WDR90: variants seen among roughly 807,000 people sequenced by gnomAD.
WDR90 encodes WD repeat domain 90, also known as WD repeat-containing protein 90.
Under a neutral mutation model 195.2 loss-of-function variants are expected in WDR90, and 238 were observed. The observed-to-expected ratio is 1.22, with a 90% CI of 1.10 to 1.36. WDR90 has a LOEUF of 1.36. Ranked by LOEUF, WDR90 falls within the 40% of genes most tolerant of loss-of-function variation. The pLI, the probability that WDR90 is intolerant of heterozygous loss-of-function variation, is 0.00. For synonymous variants in WDR90, 1,265 were observed against 1,052.4 expected, an observed-to-expected ratio of 1.20 and a Z score of -3.91; for missense variants, 2,734 against 2,439.5, an observed-to-expected ratio of 1.12 and a Z score of -2.54.
intron 34 of WDR90, chr16:663,048 C>A (rs906840843): frequency 3.9e-6 from 3 of 766,530 alleles, no homozygotes; most frequent in Non-Finnish European, 6.7e-6. Flanking sequence ...AAGCGAGCCG[C>A]CTGGCAGGCC....
At chr16:659,973 G>A (rs113197817) in intron 26 of WDR90, 85 bp from the exon 27 acceptor site, 17 of 1,038,516 alleles carry the variant, frequency 1.6e-5, no homozygotes, top group African/African-American at 1.4e-4. Flanking sequence ...TAGACCAGGG[G>A]CTTGTGGGGA....
chr16:659,708 G>A (rs1257108747), intron 26 of WDR90, among the ~76,000 whole-genome samples: 1 of 152,224 alleles, frequency 6.6e-6, no homozygotes, highest in East Asian at 1.9e-4. Flanking sequence ...TGCTCACGGA[G>A]GAGGAGGCTG....
At chr16:659,032 G>C (rs761864561) in intron 24 of WDR90, 21 bp downstream of exon 24, 3 of 1,613,190 alleles carry the variant, frequency 1.9e-6, no homozygotes, top group South Asian at 2.2e-5. Flanking sequence ...ACTCTCAGCT[G>C]TGTCTGCCTA....
rs760096464 is a variant in WDR90 at position 650,324 on chromosome 16, A to C, written c.350A>C (p.Gln117Pro). The change falls in exon 4 of 41, where the codon CAG (glutamine) becomes CCG (proline). Residue 117 changes from glutamine to proline, a missense_variant. Coordinates refer to ENST00000293879, the MANE Select transcript of WDR90 (RefSeq NM_145294.5). ...KEFKSTATWL[Q>P]FPLVLEARTP... ...TTTAAGTCTACGGCCACGTGGCTCC[A>C]GTTTCCCTTGGTCCTGGAGGCCAGG... is the stretch of plus-strand genomic sequence containing the variant. The C allele has an allele frequency of 3.5e-5, 57 of 1,612,786 alleles. No individual in the cohort carries two copies. The South Asian group carries it at 5.9e-4, about 17-fold the overall frequency.
In WDR90 at chr16:650,539, A is replaced by C; in HGVS notation, c.389A>C (p.Asp130Ala). 3 of 1,603,270 alleles carry C rather than the reference A, an allele frequency of 1.9e-6. No individual in the cohort carries two copies. Among genetic ancestry groups the C allele is most frequent in the Non-Finnish European group, 2.6e-6 (3 of 1,172,808 alleles). ...LVLEARTPQRDLVGLAPSGAR... is the reference protein window; with the variant it reads ...LVLEARTPQRALVGLAPSGAR... ...CTGACCCTGAGTGCCCATCCTGCAG[A>C]TCTGGTGGGTTTGGCCCCCTCCGGA... is the stretch of plus-strand genomic sequence containing the variant. Residue 130 changes from aspartate to alanine, a missense_variant and splice_region_variant, in exon 5 of 41, where the codon GAT becomes GCT. Physicochemically the swap from Asp to Ala is moderately radical, Grantham distance 126. Transcript: ENST00000293879.
At position 661,371 on chromosome 16, in the gene WDR90, C is replaced by G. The variant is rs2037909603; in HGVS notation, c.3543C>G (p.Ser1181Arg). The part of the protein sequence containing the change: ...QVLASASGRS[S>R]TTAHCQIRVW... The stretch of plus-strand genomic sequence containing the variant: ...TGGCCTCTGCCTCGGGCCGAAGCAG[C>G]ACGACCGCCCATTGTCAGATCCGCG... Residue 1181 changes from serine to arginine, a missense_variant, in exon 30 of 41, where the codon AGC (serine) becomes AGG (arginine). Transcript: ENST00000293879. The G allele has an allele frequency of 6.2e-7, 1 of 1,609,134 alleles. No individual in the cohort carries two copies.
intron 22 of WDR90, 58 bp from the exon 23 acceptor site, chr16:658,467 C>G: frequency 6.3e-7 from 1 of 1,583,790 alleles, no homozygotes; most frequent in Non-Finnish European, 8.6e-7. Context: ...GAAGGGAGGC[C>G]CCAGGCTGCT....
At chr16:663,099 T>A (rs2037951281) in intron 34 of WDR90, 2 of 638,624 alleles carry the variant, frequency 3.1e-6, no homozygotes, top group African/African-American at 3.6e-5. Context: ...GCTATTGCTT[T>A]GCGTTTTTTT....
At position 649,775 on chromosome 16, in the gene WDR90, C is replaced by T; in HGVS notation, c.23C>T (p.Pro8Leu). 1 of 1,562,852 alleles carries T rather than the reference C, an allele frequency of 6.4e-7. No homozygotes were observed. Among genetic ancestry groups the T allele is most frequent in the South Asian group, 1.2e-5 (1 of 85,414 alleles). ...CCGCTCCCCGCAGCGTGGCAGCACC[C>T]GTTCCTCAACGTCTTCAGACACTTC... MARAWQHPFLNVFRHFRV... is the reference protein window; with the variant it reads MARAWQHLFLNVFRHFRV... Residue 8 changes from proline to leucine, a missense_variant, in exon 2 of 41, where the codon CCG (proline) becomes CTG (leucine). By Grantham distance (98) the Pro-to-Leu change is moderately conservative. Coordinates refer to ENST00000293879, the MANE Select transcript of WDR90 (RefSeq NM_145294.5).
At position 661,399 on chromosome 16, in the gene WDR90, T is replaced by C; in HGVS notation, c.3571T>C (p.Trp1191Arg). 1 of 1,611,840 alleles carries C rather than the reference T, an allele frequency of 6.2e-7. No individual in the cohort carries two copies. The highest frequency in any genetic ancestry group is 2.2e-5 in the East Asian group (1 of 44,862). The change falls in exon 30 of 41, where the codon TGG becomes CGG. Residue 1191 changes from tryptophan to arginine, a missense_variant. By Grantham distance (101) the Trp-to-Arg change is moderately radical. Coordinates refer to ENST00000293879, the MANE Select transcript of WDR90 (RefSeq NM_145294.5). The part of the protein sequence containing the change: ...STTAHCQIRV[W>R]DVSGGLCQHL... ...GACCGCCCATTGTCAGATCCGCGTC[T>C]GGGACGTGTCTGGCGGCCTCTGCCA...
At chr16:667,336 G>T in intron 40 of WDR90, 96 bp from the exon 41 acceptor site, 1 of 1,483,778 alleles carries the variant, frequency 6.7e-7, no homozygotes. Flanking sequence ...CCCCCGACCA[G>T]CATCATGCCC....
chr16:667,009 G>A lies in WDR90; in HGVS notation c.5089+20G>A. The A allele has an allele frequency of 6.4e-7, 1 of 1,573,346 alleles. No homozygotes were observed. Among genetic ancestry groups the A allele is most frequent in the Non-Finnish European group, 8.6e-7 (1 of 1,159,236 alleles). On this transcript the variant is annotated intron_variant, in intron 40 of 40. Transcript: ENST00000293879. ...TTGCTGGTGAGTGCTGGTGGATGCA[G>A]TTTGGGCCTGTCTTAGGTGGGGGCC...
At chr16:665,593 G>C (rs1431185763) in intron 34 of WDR90, 86 bp from the exon 35 acceptor site, 4 of 1,603,462 alleles carry the variant, frequency 2.5e-6, no homozygotes, top group Non-Finnish European at 3.4e-6. Context: ...GGACAGCCCG[G>C]CCCTGGGGGC....
rs756623485 is a variant in WDR90, at chr16:661,377, C to A, written c.3549C>A (p.Thr1183=). The A allele has an allele frequency of 5.6e-6, 9 of 1,610,164 alleles. No homozygotes were observed. Among genetic ancestry groups the A allele is most frequent in the Non-Finnish European group, 7.6e-6 (9 of 1,179,528 alleles). ...CTGCCTCGGGCCGAAGCAGCACGACCGCCCATTGTCAGATCCGCGTCTGGG... is the reference window on the plus strand; with the variant it reads ...CTGCCTCGGGCCGAAGCAGCACGACAGCCCATTGTCAGATCCGCGTCTGGG... The part of the protein sequence containing the change: ...LASASGRSST[T]AHCQIRVWDV... Residue 1183 remains threonine (T), a synonymous_variant, in exon 30 of 41, where the codon ACC becomes ACA. Transcript: ENST00000293879.
chr16:667,476 G>A lies in WDR90; in HGVS notation c.5134G>A (p.Asp1712Asn), dbSNP rs746570988. 6.2e-7 allele frequency: 1 copy of A among 1,610,316 alleles called. No homozygotes were observed. Among genetic ancestry groups the A allele is most frequent in the Admixed American group, 1.7e-5 (1 of 59,996 alleles). Reference protein sequence around the residue: ...LVDCAMGTAQDFAGHDNAVHL... With the variant: ...LVDCAMGTAQNFAGHDNAVHL... ...AGACTGTGCCATGGGGACTGCCCAA[G>A]ACTTTGCCGGCCACGACAACGCAGT... The change falls in exon 41 of 41, where the codon GAC becomes AAC. Residue 1712 changes from aspartate to asparagine, a missense_variant. Asp to Asn is a conservative substitution (Grantham distance 23, BLOSUM62 1). Coordinates refer to ENST00000293879, the MANE Select transcript of WDR90 (RefSeq NM_145294.5).
chr16:650,174 A>C lies in WDR90; in HGVS notation c.279+7A>C, dbSNP rs774307908. 1.2e-6 allele frequency: 2 copies of C among 1,611,554 alleles called. No homozygotes were observed. Among genetic ancestry groups the C allele is most frequent in the Non-Finnish European group, 1.7e-6 (2 of 1,178,898 alleles). On this transcript the variant is annotated splice_region_variant and intron_variant, in intron 3 of 40. Transcript: ENST00000293879. ...CCTCGATGTGTCCTCCAAGGTACGG[A>C]GCCCGCGGCTGGGGGCTGCGTGGGA...
chr16:656,022 T>C (rs755875643), intron 17 of WDR90, 133 bp downstream of exon 17: 1 of 1,125,070 alleles, frequency 8.9e-7, no homozygotes, highest in South Asian at 1.4e-5. Flanking sequence ...CGGGGCCAAG[T>C]GGCATATCCA....
intron 31 of WDR90, 30 bp downstream of exon 31, chr16:661,817 G>T: frequency 6.3e-7 from 1 of 1,587,936 alleles, no homozygotes; most frequent in Non-Finnish European, 8.6e-7. Context: ...TGGGCCCAGG[G>T]GTTGTTTTGT....
In WDR90 at chr16:662,344, C is replaced by T; in HGVS notation, c.4145+13C>T. ...GCTCAGGCGCCAGGTGAGCTGTTCA[C>T]CCCTACGTGTTTTGGCTGCACGTGG... On this transcript the variant is annotated intron_variant, in intron 33 of 40. Transcript: ENST00000293879. 2 of 1,551,398 alleles carry T rather than the reference C, an allele frequency of 1.3e-6. No homozygotes were observed. Among genetic ancestry groups the T allele is most frequent in the Non-Finnish European group, 8.7e-7 (1 of 1,149,710 alleles).
Sources: allele counts gnomAD v4.1 joint callset (sites outside exome capture counted in the v4.1 genomes callset), GRCh38; gene constraint gnomAD v4.1.1; transcripts MANE v1.5; gene names NCBI Gene and HGNC (gene_info 2026-07-23, HGNC 2026-07-21).